The following CPNE8 variants were observed in gnomAD, a reference collection of about 807,000 sequenced individuals.
CPNE8 encodes the protein copine 8.
CPNE8 carries 45 observed loss-of-function variants against 81.5 expected under a neutral mutation model. The observed-to-expected ratio is 0.55, with a 90% confidence interval of 0.44 to 0.71. The LOEUF (loss-of-function observed/expected upper bound fraction) is 0.71. Ranked by LOEUF, CPNE8 falls within the 30% of genes least tolerant of loss-of-function variation. CPNE8 has a pLI of 0.00. For missense variants in CPNE8, 594 were observed against 672.1 expected (o/e 0.88, Z 1.28); for synonymous variants, 252 against 226.3 (o/e 1.11, Z -1.02).
chr12:38,698,443 C>G (rs1220990870), intron 14 of CPNE8, among the ~76,000 whole-genome samples: 1 of 152,148 alleles, frequency 6.6e-6, no homozygotes, highest in Admixed American at 6.5e-5. Flanking sequence ...TGTTGTTGCT[C>G]ATGAGTTTGG....
At chr12:38,818,975 G>C (rs144668197) in intron 6 of CPNE8, among the ~76,000 whole-genome samples, 9,433 of 152,184 alleles carry the variant, frequency 0.062, 966 homozygotes, top group African/African-American at 0.21. Flanking sequence ...CTTTTTGATA[G>C]GGTTGTTTGA....
intron 8 of CPNE8, among the ~76,000 whole-genome samples, chr12:38,762,717 G>T (rs548021221): frequency 6.6e-6 from 1 of 152,270 alleles, no homozygotes; most frequent in Non-Finnish European, 1.5e-5. Flanking sequence ...CACAGGAAAG[G>T]TTTTTGGTGT....
At chr12:38,904,179 G>C (rs1478666440) in intron 1 of CPNE8, among the ~76,000 whole-genome samples, 1 of 152,166 alleles carries the variant, frequency 6.6e-6, no homozygotes, top group African/African-American at 2.4e-5. Context: ...GGAAAGGAAA[G>C]GGAGGATGTG....
intron 10 of CPNE8, among the ~76,000 whole-genome samples, chr12:38,743,761 A>C (rs1481744883): frequency 6.6e-6 from 1 of 152,064 alleles, no homozygotes; most frequent in East Asian, 1.9e-4. Context: ...GCTATAAAGT[A>C]ATATTTAGGG....
intron 13 of CPNE8, among the ~76,000 whole-genome samples, chr12:38,717,458 T>TATATATATATATATATATATATATAC (rs1339046227): frequency 7.2e-6 from 1 of 138,728 alleles, no homozygotes; most frequent in African/African-American, 2.7e-5. Flanking sequence ...TATATATATA[T>TATATATATATATATATATATATATAC]ACACCATGGA....
At chr12:38,709,549 C>T (rs893331970) in intron 13 of CPNE8, among the ~76,000 whole-genome samples, 1 of 152,148 alleles carries the variant, frequency 6.6e-6, no homozygotes, top group Non-Finnish European at 1.5e-5. Flanking sequence ...ATAAAACCTT[C>T]CCTGATTGTT....
chr12:38,703,033 A>G (rs1939988290), intron 13 of CPNE8, 112 bp from the exon 14 acceptor site: 2 of 723,912 alleles, frequency 2.8e-6, no homozygotes, highest in Non-Finnish European at 4.6e-6. Flanking sequence ...AACGTTAATT[A>G]AGAGCAATAT....
intron 3 of CPNE8, among the ~76,000 whole-genome samples, chr12:38,860,139 G>C (rs1368970817): frequency 6.6e-6 from 1 of 151,926 alleles, no homozygotes; most frequent in Non-Finnish European, 1.5e-5. Context: ...GAAAATATTT[G>C]TGTACCATCT....
chr12:38,830,768 G>T (rs934387913), intron 5 of CPNE8, among the ~76,000 whole-genome samples: 12 of 152,172 alleles, frequency 7.9e-5, no homozygotes, highest in Non-Finnish European at 1.2e-4. Flanking sequence ...CTATGGTGAG[G>T]AACTAGTATT....
At chr12:38,828,251 C>A (rs1449769684) in intron 6 of CPNE8, among the ~76,000 whole-genome samples, 4 of 152,048 alleles carry the variant, frequency 2.6e-5, no homozygotes. Context: ...TTTGCATCTG[C>A]CTCACAGATT....
chr12:38,806,235 C>A (rs562819236), intron 6 of CPNE8, among the ~76,000 whole-genome samples: 1 of 150,302 alleles, frequency 6.7e-6, no homozygotes, highest in South Asian at 2.2e-4. Flanking sequence ...AAGAGGGAAT[C>A]CTCCCTAACT....
chr12:38,722,699 G>C (rs1487275764), intron 13 of CPNE8, among the ~76,000 whole-genome samples: 2 of 152,204 alleles, frequency 1.3e-5, no homozygotes. Context: ...AGAATGTGTA[G>C]ACATTTTATA....
At position 38,810,765 on chromosome 12, in the gene CPNE8, G is replaced by T. The variant is rs1471814944; in HGVS notation, c.407+18614C>A. On this transcript the variant is annotated intron_variant, in intron 6 of 19. Coordinates refer to ENST00000331366, the MANE Select transcript of CPNE8 (RefSeq NM_153634.3). Reference sequence around the variant, plus strand: ...AAGGCTGAAATCAAAGTGTCAAGTGGTCTATGTTTTTATCTAGTGGATCTG... The same window carrying T: ...AAGGCTGAAATCAAAGTGTCAAGTGTTCTATGTTTTTATCTAGTGGATCTG... 2.0e-5 allele frequency among the ~76,000 whole-genome samples: 3 copies of T among 151,948 alleles called. No individual in the cohort carries two copies. In the East Asian group the frequency reaches 5.8e-4, roughly 29 times the overall value.
chr12:38,847,812 T>C (rs1023431482), intron 4 of CPNE8, among the ~76,000 whole-genome samples: 1 of 152,198 alleles, frequency 6.6e-6, no homozygotes, highest in African/African-American at 2.4e-5. Flanking sequence ...TGTAAAAGTA[T>C]GGTACATCAG....
At chr12:38,853,312 T>G (rs1943677424) in intron 3 of CPNE8, among the ~76,000 whole-genome samples, 1 of 152,182 alleles carries the variant, frequency 6.6e-6, no homozygotes, top group Non-Finnish European at 1.5e-5. Context: ...TAATAATATT[T>G]GTTGATGTTA....
rs1257520457 is a variant in CPNE8 at position 38,800,069 on chromosome 12, G to C, written c.408-23768C>G. On this transcript the variant is annotated intron_variant, in intron 6 of 19. Coordinates refer to ENST00000331366, the MANE Select transcript of CPNE8 (RefSeq NM_153634.3). ...TGAGATCAAACTGCAAGGCGGCAACGAGGCTGGGGGAGGGGCGCCCGCCAT... is the reference window on the plus strand; with the variant it reads ...TGAGATCAAACTGCAAGGCGGCAACCAGGCTGGGGGAGGGGCGCCCGCCAT... Among the ~76,000 whole-genome samples, 15 of 129,354 alleles carry C rather than the reference G, an allele frequency of 1.2e-4. No individual in the cohort carries two copies. In the South Asian group the frequency reaches 2.1e-3, roughly 18 times the overall value. The allele number at this position is 129,354 out of a possible 152,430, so 84.9% of individuals were successfully genotyped here.
At position 38,670,769 on chromosome 12, in the gene CPNE8, A is replaced by G. The variant is rs113561592; in HGVS notation, c.1466T>C (p.Val489Ala). The change falls in exon 19 of 20, where the codon GTC (valine) becomes GCC (alanine). Residue 489 changes from valine to alanine, a missense_variant. Coordinates refer to ENST00000331366, the MANE Select transcript of CPNE8 (RefSeq NM_153634.3). ...TTCAGCATATTTTCCTCTAGAGGAG[A>G]CTCTTACATCATCTCCATCCAATTC... ...MVELDGDDVR[V>A]SSRGKYAERD... is the part of the protein sequence containing the mutation. The G allele has an allele frequency of 6.2e-7, 1 of 1,610,080 alleles. No individual in the cohort carries two copies. The highest frequency in any genetic ancestry group is 8.5e-7 in the Non-Finnish European group (1 of 1,177,868).
chr12:38,726,279 C>T (rs201423627), intron 11 of CPNE8: 2 of 139,266 alleles, frequency 1.4e-5, no homozygotes, highest in Non-Finnish European at 3.2e-5. Flanking sequence ...AAAAAAAAAA[C>T]AAAACTTTAA....
At chr12:38,851,315 G>C (rs1443408307) in intron 3 of CPNE8, among the ~76,000 whole-genome samples, 1 of 152,112 alleles carries the variant, frequency 6.6e-6, no homozygotes, top group East Asian at 1.9e-4. Context: ...ACAAGTGGTT[G>C]TCTTATAGAT....
Sources: gnomAD v4.1 joint callset for allele counts (sites outside exome capture counted in the v4.1 genomes callset) on GRCh38, gnomAD v4.1.1 for gene constraint, MANE v1.5 for transcripts, NCBI Gene and HGNC (gene_info 2026-07-23, HGNC 2026-07-21) for gene names.